The following DTNB variants were observed in gnomAD, a reference collection of about 807,000 sequenced individuals.
The protein encoded by DTNB is dystrobrevin beta, also known as DTN-B.
A neutral mutation model predicts 90.7 loss-of-function variants in DTNB; 63 were observed. That is an observed-to-expected ratio of 0.69 (90% confidence interval 0.57 to 0.86). The LOEUF is 0.86. Ranked by LOEUF, DTNB falls within the 40% of genes least tolerant of loss-of-function variation. The pLI, the probability that DTNB is intolerant of heterozygous loss-of-function variation, is 0.00. For missense variants in DTNB, 744 were observed against 807.1 expected, an observed-to-expected ratio of 0.92 and a Z score of 0.95; for synonymous variants, 277 against 286.7, an observed-to-expected ratio of 0.97 and a Z score of 0.34.
At chr2:25,588,369 CTT>C (rs57551264) in intron 6 of DTNB, among the ~76,000 whole-genome samples, 8 of 144,240 alleles carry the variant, frequency 5.5e-5, no homozygotes, top group East Asian at 2.0e-4. Flanking sequence ...CTTCCGAGAA[CTT>C]TTTTTTTTTT....
At chr2:25,544,750 A>G (rs1264773822) in intron 8 of DTNB, among the ~76,000 whole-genome samples, 1 of 152,236 alleles carries the variant, frequency 6.6e-6, no homozygotes, top group East Asian at 1.9e-4. Context: ...TTAGTACTTC[A>G]GCTGCACCTT....
chr2:25,548,741 A>G (rs1193971288), intron 8 of DTNB, among the ~76,000 whole-genome samples: 2 of 152,136 alleles, frequency 1.3e-5, no homozygotes, highest in Non-Finnish European at 2.9e-5. Flanking sequence ...ATGAGGTGAC[A>G]AGCTCTTGGA....
intron 6 of DTNB, among the ~76,000 whole-genome samples, chr2:25,582,650 A>G (rs2061725742): frequency 6.6e-6 from 1 of 152,168 alleles, no homozygotes; most frequent in Non-Finnish European, 1.5e-5. Flanking sequence ...GCTGAGAACT[A>G]CGCAAAAGGG....
At chr2:25,667,802 A>C (rs1401948337) in intron 1 of DTNB, among the ~76,000 whole-genome samples, 1 of 152,236 alleles carries the variant, frequency 6.6e-6, no homozygotes, top group Non-Finnish European at 1.5e-5. Context: ...TAATGTCTAC[A>C]CAAAAACCTG....
intron 12 of DTNB, among the ~76,000 whole-genome samples, chr2:25,439,345 CA>C (rs915642211): frequency 6.6e-6 from 1 of 151,590 alleles, no homozygotes; most frequent in East Asian, 1.9e-4. Flanking sequence ...ACAAAAAATA[CA>C]AAAAAAATTA....
chr2:25,538,744 A>T (rs539421537), intron 8 of DTNB, among the ~76,000 whole-genome samples: 1 of 152,128 alleles, frequency 6.6e-6, no homozygotes, highest in East Asian at 1.9e-4. Context: ...GAGCCACCAC[A>T]CCCAACTGTA....
intron 12 of DTNB, among the ~76,000 whole-genome samples, chr2:25,437,301 G>T (rs1015948185): frequency 6.6e-6 from 1 of 150,518 alleles, no homozygotes; most frequent in African/African-American, 2.4e-5. Flanking sequence ...TTGCTGTGTC[G>T]CCCAAGCTGG....
In DTNB at chr2:25,458,081, C is replaced by T. The variant is rs539066705; in HGVS notation, c.1080-2587G>A. 4.6e-5 allele frequency among the ~76,000 whole-genome samples: 7 copies of T among 152,278 alleles called. No homozygotes were observed. The South Asian group carries it at 1.5e-3, about 32-fold the overall frequency. ...ATCTCTTGACCTTGTGATCCACCCA[C>T]CTCTGCCTCCCAAAGTGCTGGGATT... On this transcript the variant is annotated intron_variant, in intron 10 of 20. Coordinates refer to ENST00000406818, the MANE Select transcript of DTNB (RefSeq NM_021907.5).
At chr2:25,641,818 T>G (rs1296191955) in intron 2 of DTNB, among the ~76,000 whole-genome samples, 3 of 152,114 alleles carry the variant, frequency 2.0e-5, no homozygotes, top group Non-Finnish European at 4.4e-5. Flanking sequence ...CAGATCAACT[T>G]CAAAGTCTTT....
Position 25,523,669 on chromosome 2 carries a change from T to C in DTNB, c.1001+7804A>G, listed in dbSNP as rs1235532675. ...AAAAAAAAAAAAAAAGAACTGCTAC[T>C]CATATGTTTGTATTTGTACTCTGCA... On this transcript the variant is annotated intron_variant, in intron 9 of 20. Coordinates refer to ENST00000406818, the MANE Select transcript of DTNB (RefSeq NM_021907.5). Among the ~76,000 whole-genome samples, 4 of 150,820 alleles carry C rather than the reference T, an allele frequency of 2.7e-5. No individual in the cohort carries two copies. In the East Asian group the frequency reaches 5.8e-4, roughly 22 times the overall value.
At chr2:25,606,421 G>C (rs2067121978) in intron 5 of DTNB, among the ~76,000 whole-genome samples, 3 of 152,144 alleles carry the variant, frequency 2.0e-5, no homozygotes, top group Non-Finnish European at 4.4e-5. Flanking sequence ...CAATCACATA[G>C]CTCAGAACAG....
At chr2:25,388,110 A>G in intron 17 of DTNB, 92 bp downstream of exon 17, 1 of 1,517,740 alleles carries the variant, frequency 6.6e-7, no homozygotes, top group Non-Finnish European at 8.8e-7. Context: ...AGCAAAGAGC[A>G]CAAAACAGAA....
intron 4 of DTNB, among the ~76,000 whole-genome samples, chr2:25,626,685 G>C (rs764522831): frequency 6.6e-6 from 1 of 152,256 alleles, no homozygotes; most frequent in South Asian, 2.1e-4. Flanking sequence ...TGTGAATTTA[G>C]TGAGTGCTTA....
chr2:25,556,265 G>GT (rs975815953), intron 8 of DTNB, among the ~76,000 whole-genome samples: 8 of 141,056 alleles, frequency 5.7e-5, no homozygotes, highest in Admixed American at 7.3e-5. Context: ...TGGTACAAGT[G>GT]TTTTTTCTGG....
intron 8 of DTNB, among the ~76,000 whole-genome samples, chr2:25,554,011 T>C (rs2056849166): frequency 6.6e-6 from 1 of 152,108 alleles, no homozygotes; most frequent in Admixed American, 6.5e-5. Flanking sequence ...ACTAGATCTG[T>C]CATGATAGCC....
chr2:25,637,866 C>T (rs1019581426), intron 3 of DTNB, among the ~76,000 whole-genome samples: 4 of 152,136 alleles, frequency 2.6e-5, no homozygotes, highest in Non-Finnish European at 4.4e-5. Context: ...TGGGTATATA[C>T]CCAAAGGATT....
chr2:25,633,424 T>C (rs2602993), intron 3 of DTNB, among the ~76,000 whole-genome samples: 79,891 of 151,654 alleles, frequency 0.53, 21,369 homozygotes, highest in East Asian at 0.79. Context: ...CCTCGGCCTC[T>C]CGAGGTGCCG....
At chr2:25,383,726 G>A in intron 19 of DTNB, 110 bp downstream of exon 19, 1 of 1,605,744 alleles carries the variant, frequency 6.2e-7, no homozygotes, top group South Asian at 1.1e-5. Flanking sequence ...GGGTCCGAAA[G>A]CTCTGGGAAA....
chr2:25,653,506 TC>T (rs2081418726), intron 1 of DTNB, among the ~76,000 whole-genome samples: 5 of 128,668 alleles, frequency 3.9e-5, no homozygotes, highest in African/African-American at 1.2e-4. Context: ...TTTCTTTCTT[TC>T]TTTCTTTCTT....
Sources: allele counts gnomAD v4.1 joint callset (sites outside exome capture counted in the v4.1 genomes callset), GRCh38; gene constraint gnomAD v4.1.1; transcripts MANE v1.5; gene names NCBI Gene and HGNC (gene_info 2026-07-23, HGNC 2026-07-21).